The following PPM1L variants were observed in gnomAD, a reference collection of about 807,000 sequenced individuals.
PPM1L encodes the protein protein phosphatase 1L.
In PPM1L, 13 loss-of-function variants were observed where a neutral mutation model predicts 31.4. The ratio of observed to expected loss-of-function variants is 0.41; its 90% CI spans 0.27 to 0.66. The LOEUF (loss-of-function observed/expected upper bound fraction) is 0.66, where lower values mean the gene tolerates loss of function less well. PPM1L is among the 30% of genes least tolerant of loss of function. The probability of loss-of-function intolerance (pLI) is 0.29; values close to 1 mark genes in which losing one functional copy is unlikely to be tolerated. For missense variants in PPM1L, 326 were observed against 453.7 expected, an observed-to-expected ratio of 0.72 and a Z score of 2.56; for synonymous variants, 184 against 175.4, an observed-to-expected ratio of 1.05 and a Z score of -0.39.
At chr3:161,017,142 G>A (rs1243704982) in intron 2 of PPM1L, among the ~76,000 whole-genome samples, 6 of 151,974 alleles carry the variant, frequency 3.9e-5, no homozygotes, top group Non-Finnish European at 2.9e-5. Flanking sequence ...CTTCTTTTTC[G>A]GAGGTGGATT....
At chr3:160,859,857 G>A (rs1349600288) in intron 1 of PPM1L, among the ~76,000 whole-genome samples, 6 of 152,184 alleles carry the variant, frequency 3.9e-5, no homozygotes. Context: ...TTATGAGGTG[G>A]TGATGTCAAA....
chr3:160,780,917 T>G (rs745401637), intron 1 of PPM1L, among the ~76,000 whole-genome samples: 39 of 152,236 alleles, frequency 2.6e-4, no homozygotes, highest in Non-Finnish European at 1.2e-4. Flanking sequence ...GTATAGTGCC[T>G]GGCATTGTGG....
At chr3:160,867,006 T>C (rs1712115007) in intron 1 of PPM1L, among the ~76,000 whole-genome samples, 1 of 152,168 alleles carries the variant, frequency 6.6e-6, no homozygotes, top group South Asian at 2.1e-4. Flanking sequence ...CACACCCAGC[T>C]AATTTTTATT....
intron 1 of PPM1L, among the ~76,000 whole-genome samples, chr3:160,807,048 G>A (rs1712625984): frequency 6.6e-6 from 1 of 152,186 alleles, no homozygotes. Context: ...TGGGGCCGAG[G>A]CATCAAGTTT....
chr3:160,839,707 A>G (rs1159537940), intron 1 of PPM1L, among the ~76,000 whole-genome samples: 1 of 152,178 alleles, frequency 6.6e-6, no homozygotes, highest in Non-Finnish European at 1.5e-5. Flanking sequence ...ACATTCTAGC[A>G]TTAAACAGCA....
intron 1 of PPM1L, among the ~76,000 whole-genome samples, chr3:160,888,789 A>T (rs1252640811): frequency 1.3e-5 from 2 of 152,208 alleles, no homozygotes; most frequent in African/African-American, 4.8e-5. Context: ...TTCCTCAGCA[A>T]ATGCAAAAGA....
At chr3:160,913,822 T>C (rs761331721) in intron 1 of PPM1L, among the ~76,000 whole-genome samples, 2 of 152,180 alleles carry the variant, frequency 1.3e-5, no homozygotes, top group Non-Finnish European at 2.9e-5. Context: ...TTGAGTTGTT[T>C]CCAGTTTTCT....
chr3:160,930,538 G>C (rs554959044), intron 1 of PPM1L, among the ~76,000 whole-genome samples: 2 of 152,260 alleles, frequency 1.3e-5, no homozygotes, highest in Admixed American at 1.3e-4. Context: ...CCGAATTCCG[G>C]TTTAGCTGCT....
rs530359913 is a variant in PPM1L at position 160,879,954 on chromosome 3, C to G, written c.400-81782C>G. 7.9e-5 allele frequency among the ~76,000 whole-genome samples: 12 copies of G among 152,274 alleles called. No homozygotes were observed. In the South Asian group the frequency reaches 1.2e-3, roughly 16 times the overall value. On this transcript the variant is annotated intron_variant, in intron 1 of 3. Coordinates refer to ENST00000498165, the MANE Select transcript of PPM1L (RefSeq NM_139245.4). ...TGAGATGATGCTTCCTTTCATCATT[C>G]ACCTGCTGCAGTTACCCATGTTTCT...
chr3:160,827,481 G>GTGTGTGTGTA (rs1553810064), intron 1 of PPM1L, among the ~76,000 whole-genome samples: 7 of 150,576 alleles, frequency 4.6e-5, no homozygotes, highest in African/African-American at 1.7e-4. Context: ...GTGTGTGTGT[G>GTGTGTGTGTA]TGTATGTATG....
rs1435562946 is a variant in PPM1L, at chr3:161,057,994, C to T, written c.575-7409C>T. ...ATTTAAGATCTGCAGAATATTCAAG[C>T]TGAAAGGGGCCTGGAGGTTAATTAA... On this transcript the variant is annotated intron_variant, in intron 2 of 3. Coordinates refer to ENST00000498165, the MANE Select transcript of PPM1L (RefSeq NM_139245.4). Among the ~76,000 whole-genome samples the T allele has an allele frequency of 1.3e-5, 2 of 151,574 alleles. 1 individual carries two copies. Among genetic ancestry groups the T allele is most frequent in the Non-Finnish European group, 2.9e-5 (2 of 67,936 alleles).
At chr3:160,766,412 G>A (rs936603729) in intron 1 of PPM1L, among the ~76,000 whole-genome samples, 2 of 152,154 alleles carry the variant, frequency 1.3e-5, no homozygotes, top group Non-Finnish European at 2.9e-5. Context: ...CTGGGGATTA[G>A]ATCATTAGAT....
chr3:161,045,319 T>C (rs1243994711), intron 2 of PPM1L, among the ~76,000 whole-genome samples: 1 of 152,202 alleles, frequency 6.6e-6, no homozygotes, highest in Non-Finnish European at 1.5e-5. Context: ...AGAATATACA[T>C]TCTTCTCAGC....
chr3:160,772,120 G>T (rs1715273774), intron 1 of PPM1L, among the ~76,000 whole-genome samples: 1 of 152,160 alleles, frequency 6.6e-6, no homozygotes, highest in Non-Finnish European at 1.5e-5. Context: ...AGGGGGACCT[G>T]AGTGTCTGCT....
intron 1 of PPM1L, among the ~76,000 whole-genome samples, chr3:160,866,883 C>T (rs941771366): frequency 2.6e-5 from 4 of 152,088 alleles, no homozygotes; most frequent in African/African-American, 9.7e-5. Flanking sequence ...CTTGTTCTGT[C>T]GCCTAGGCTG....
In PPM1L at chr3:160,856,347, C is replaced by T. The variant is rs146863214; in HGVS notation, c.399+99640C>T. Among the ~76,000 whole-genome samples, 783 of 152,290 alleles carry T rather than the reference C, an allele frequency of 5.1e-3. 5 individuals carry two copies. The highest frequency in any genetic ancestry group is 8.5e-3 in the Non-Finnish European group (577 of 68,018). On this transcript the variant is annotated intron_variant, in intron 1 of 3. Transcript: ENST00000498165. ...AAGGAATATAAACCGTTCGAAGATA[C>T]ATGCATTCATATGTTAATCACAGCA...
chr3:160,873,372 T>C (rs1712386905), intron 1 of PPM1L, among the ~76,000 whole-genome samples: 1 of 152,168 alleles, frequency 6.6e-6, no homozygotes. Context: ...AATTTAATCA[T>C]TGCTGGGAAA....
At chr3:160,989,600 G>T (rs1351636782) in intron 2 of PPM1L, among the ~76,000 whole-genome samples, 1 of 151,948 alleles carries the variant, frequency 6.6e-6, no homozygotes, top group African/African-American at 2.4e-5. Flanking sequence ...GACCTCAGGT[G>T]ATCCACCCGT....
chr3:161,028,838 A>G (rs1366951509), intron 2 of PPM1L, among the ~76,000 whole-genome samples: 2 of 152,118 alleles, frequency 1.3e-5, no homozygotes, highest in Admixed American at 6.5e-5. Context: ...TGCCCTCTAA[A>G]ATTGTAATTA....
Sources: gnomAD v4.1 joint callset for allele counts (sites outside exome capture counted in the v4.1 genomes callset) on GRCh38, gnomAD v4.1.1 for gene constraint, MANE v1.5 for transcripts, NCBI Gene and HGNC (gene_info 2026-07-23, HGNC 2026-07-21) for gene names.